Variants in DOCK6 observed in about 807,000 individuals in gnomAD.
DOCK6 encodes dedicator of cytokinesis 6, also known as dedicator of cytokinesis protein 6.
Under a neutral mutation model 230.3 loss-of-function variants are expected in DOCK6, and 167 were observed. The ratio of observed to expected loss-of-function variants is 0.73; its 90% CI spans 0.64 to 0.82. The LOEUF (loss-of-function observed/expected upper bound fraction) is 0.82. Among genes scored for constraint, DOCK6 ranks in the 40% least tolerant of loss-of-function variants. The probability of loss-of-function intolerance (pLI) is 0.00; values close to 1 mark genes in which losing one functional copy is unlikely to be tolerated. For synonymous variants in DOCK6, 1,148 were observed against 1,185.0 expected (o/e 0.97, Z 0.64); for missense variants, 2,598 against 2,825.8 (o/e 0.92, Z 1.83).
chr19:11,212,503 A>C (rs1386959925), intron 35 of DOCK6, among the ~76,000 whole-genome samples: 2 of 151,618 alleles, frequency 1.3e-5, no homozygotes, highest in Non-Finnish European at 2.9e-5. Context: ...AGGCCTCCCA[A>C]AATGCTGGGA....
intron 22 of DOCK6, among the ~76,000 whole-genome samples, chr19:11,231,354 C>T (rs957824100): frequency 6.6e-6 from 1 of 151,424 alleles, no homozygotes; most frequent in East Asian, 1.9e-4. Context: ...GATGTCACTC[C>T]CCTGGAGAAG....
chr19:11,202,084 G>A lies in DOCK6; in HGVS notation c.5493C>T (p.Thr1831=). Residue 1831 remains threonine (T), a synonymous_variant, in exon 44 of 48, where the codon ACC becomes ACT. Transcript: ENST00000294618. The surrounding 1 kb of genome is among the most constrained non-coding windows in gnomAD (Gnocchi z 5.3). ...AGGTCACCCGGTCCTTGAGCTCGTA[G>A]GTATCAAAGTACGGTTCCACATACG... ...QITYVEPYFD[T]YELKDRVTYF... is the part of the protein sequence containing the mutation. 1.2e-6 allele frequency: 2 copies of A among 1,614,036 alleles called. No individual in the cohort carries two copies. Among genetic ancestry groups the A allele is most frequent in the South Asian group, 1.1e-5 (1 of 91,090 alleles).
chr19:11,227,596 T>TGAAGGACTGTGGGGGGGGCTG (rs2079689663), intron 23 of DOCK6, 119 bp from the exon 24 acceptor site: 1 of 1,248,534 alleles, frequency 8.0e-7, no homozygotes, highest in African/African-American at 1.6e-5. Context: ...GGGTGGGGCT[T>TGAAGGACTGTGGGGGGGGCTG]GAAGGGCTGT....
intron 1 of DOCK6, among the ~76,000 whole-genome samples, 183 bp downstream of exon 1, chr19:11,262,214 C>T (rs1451520551): frequency 6.6e-6 from 1 of 151,924 alleles, no homozygotes; most frequent in African/African-American, 2.4e-5. Context: ...GGACCCCCGC[C>T]GGGACCCCCG....
intron 28 of DOCK6, among the ~76,000 whole-genome samples, chr19:11,219,806 T>G (rs62129151): frequency 6.6e-6 from 1 of 151,510 alleles, no homozygotes; most frequent in East Asian, 2.0e-4. Context: ...AAAAAAAATT[T>G]ACTCTTAATC....
rs748791238 is a variant in DOCK6, at chr19:11,226,668, AC to A, written c.2955+668del. ...AGTGAAACTCTGTCTCAGAAAAAAA[AC>A]AACAACAAAAAAATGATACGATCCA... is the stretch of plus-strand genomic sequence containing the variant. On this transcript the variant is annotated intron_variant, in intron 24 of 47. Transcript: ENST00000294618. Among the ~76,000 whole-genome samples, 51 of 152,324 alleles carry A rather than the reference AC, an allele frequency of 3.3e-4. 1 individual carries two copies. The highest frequency in any genetic ancestry group is 4.7e-4 in the Non-Finnish European group (32 of 68,032).
At position 11,200,838 on chromosome 19, in the gene DOCK6, G is replaced by C. The variant is rs199764395; in HGVS notation, c.5833-16C>G. 8.8e-4 allele frequency: 1,421 copies of C among 1,612,870 alleles called. No individual in the cohort carries two copies. The highest frequency in any genetic ancestry group is 1.1e-3 in the Non-Finnish European group (1,288 of 1,178,982). On this transcript the variant is annotated splice_polypyrimidine_tract_variant and intron_variant, in intron 45 of 47. Transcript: ENST00000294618. The surrounding 1 kb of genome is among the most constrained non-coding windows in gnomAD (Gnocchi z 4.3). ...CCAGGGGACCCTGTGGGGTGAGAGG[G>C]ACTGGTGAGCCAGCCTGCATGGCAC...
chr19:11,207,348 C>G (rs1252281695), intron 39 of DOCK6, among the ~76,000 whole-genome samples: 4 of 152,036 alleles, frequency 2.6e-5, no homozygotes, highest in Non-Finnish European at 4.4e-5. Flanking sequence ...GTGCATGCCA[C>G]CACACCCAGC....
Position 11,236,879 on chromosome 19 carries a change from C to A in DOCK6, c.2074G>T (p.Val692Leu), listed in dbSNP as rs757968916. Residue 692 changes from valine (V) to leucine (L), a missense_variant and splice_region_variant, in exon 19 of 48, where the codon GTG (valine) becomes TTG (leucine). Transcript: ENST00000294618. This position sits in a 1 kb window ranked among gnomAD's most constrained non-coding sequence, Gnocchi z 5.2. ...ACCCAGCGCATGCCCGGAAGCGCCA[C>A]CTGTGGGAGGGAGGCACCAGGTGGG... ...PPSYSVLTPD[V>L]ALPGMRWVDG... 2 of 1,552,158 alleles carry A rather than the reference C, an allele frequency of 1.3e-6. No individual in the cohort carries two copies. Among genetic ancestry groups the A allele is most frequent in the Non-Finnish European group, 1.7e-6 (2 of 1,147,866 alleles).
Position 11,200,853 on chromosome 19 carries a change from C to T in DOCK6, c.5833-31G>A. On this transcript the variant is annotated intron_variant, in intron 45 of 47. Coordinates refer to ENST00000294618, the MANE Select transcript of DOCK6 (RefSeq NM_020812.4). This position sits in a 1 kb window ranked among gnomAD's most constrained non-coding sequence, Gnocchi z 4.3. ...GGGTGAGAGGGACTGGTGAGCCAGC[C>T]TGCATGGCACCTGGAGTCCCCCGTG... 2 of 1,613,344 alleles carry T rather than the reference C, an allele frequency of 1.2e-6. No homozygotes were observed. The highest frequency in any genetic ancestry group is 1.7e-6 in the Non-Finnish European group (2 of 1,179,372).
chr19:11,256,137 G>T (rs762441762), intron 1 of DOCK6, among the ~76,000 whole-genome samples: 31 of 152,138 alleles, frequency 2.0e-4, no homozygotes, highest in Non-Finnish European at 3.7e-4. Context: ...TGACTGGGGG[G>T]GTTGAGAAAA....
intron 39 of DOCK6, among the ~76,000 whole-genome samples, chr19:11,205,508 AC>A (rs2079243620): frequency 6.6e-6 from 1 of 151,900 alleles, no homozygotes; most frequent in South Asian, 2.1e-4. Context: ...ACGCCCAGCT[AC>A]TTTTTTTGCA....
chr19:11,251,140 C>G, intron 5 of DOCK6, 54 bp from the exon 6 acceptor site: 4 of 1,502,430 alleles, frequency 2.7e-6, no homozygotes, highest in Non-Finnish European at 3.6e-6. Context: ...ACCTTCACCT[C>G]ACTCTGGTGA....
chr19:11,215,603 C>T, intron 31 of DOCK6, 132 bp from the exon 32 acceptor site: 1 of 1,272,318 alleles, frequency 7.9e-7, no homozygotes, highest in Non-Finnish European at 1.1e-6. Context: ...CAGAAGCCTG[C>T]CGGGTGGACG....
chr19:11,202,374 G>A lies in DOCK6; in HGVS notation c.5451+20C>T, dbSNP rs565400170. 6.2e-7 allele frequency: 1 copy of A among 1,610,766 alleles called. No homozygotes were observed. Among genetic ancestry groups the A allele is most frequent in the Admixed American group, 1.7e-5 (1 of 59,312 alleles). The stretch of plus-strand genomic sequence containing the variant: ...GTCTCTGTGAATCTAAGATTTTGGG[G>A]AAATGGTTGGGGGACCCACCTTTTG... On this transcript the variant is annotated intron_variant, in intron 43 of 47. Transcript: ENST00000294618. This position sits in a 1 kb window ranked among gnomAD's most constrained non-coding sequence, Gnocchi z 5.3.
chr19:11,230,200 G>A (rs557230183), intron 22 of DOCK6, among the ~76,000 whole-genome samples: 81 of 152,196 alleles, frequency 5.3e-4, no homozygotes, highest in African/African-American at 1.8e-3. Flanking sequence ...TTAGCTGGGC[G>A]TGGTGGCAGG....
In DOCK6 at chr19:11,236,339, C is replaced by T. The variant is rs1315088703; in HGVS notation, c.2392+7G>A. The T allele has an allele frequency of 4.5e-6, 7 of 1,541,752 alleles. No individual in the cohort carries two copies. Among genetic ancestry groups the T allele is most frequent in the East Asian group, 2.4e-5 (1 of 40,868 alleles). Reference sequence around the variant, plus strand: ...GGAAACTGAGGTCTGAGGCCACATTCGCTTACCAATCTGGCCACTGATGAT... The same window carrying T: ...GGAAACTGAGGTCTGAGGCCACATTTGCTTACCAATCTGGCCACTGATGAT... On this transcript the variant is annotated splice_region_variant and intron_variant, in intron 20 of 47. Transcript: ENST00000294618. This position sits in a 1 kb window ranked among gnomAD's most constrained non-coding sequence, Gnocchi z 5.2.
chr19:11,241,536 T>C, intron 14 of DOCK6: 5 of 1,553,040 alleles, frequency 3.2e-6, no homozygotes, highest in Non-Finnish European at 4.4e-6. Context: ...CAGCATCGGC[T>C]GCGACAGATC....
chr19:11,213,209 G>T lies in DOCK6; in HGVS notation c.4458C>A (p.Tyr1486Ter). ...TCTCGAAGTTCTGTCGCATGAGCAG[G>T]TACAGCGAGGCGCTGGCGTGCGTGC... ...TIRTHASASL[Y>*]LLMRQNFEIG... The change falls in exon 35 of 48, where the codon TAC becomes TAA. Residue 1486 changes from tyrosine (Y) to a stop codon, truncating the protein, a stop_gained. Transcript: ENST00000294618. LOFTEE classifies it high-confidence loss of function. The T allele has an allele frequency of 6.2e-7, 1 of 1,613,144 alleles. No individual in the cohort carries two copies. Among genetic ancestry groups the T allele is most frequent in the Non-Finnish European group, 8.5e-7 (1 of 1,179,810 alleles).
Sources: gnomAD v4.1 joint callset for allele counts (sites outside exome capture counted in the v4.1 genomes callset) on GRCh38, gnomAD v4.1.1 for gene constraint, Gnocchi (gnomAD v3.1) non-coding constraint, MANE v1.5 for transcripts, NCBI Gene and HGNC (gene_info 2026-07-23, HGNC 2026-07-21) for gene names.